SEMA6D: variants seen among roughly 807,000 people sequenced by gnomAD.
SEMA6D encodes the protein semaphorin-6D.
A neutral mutation model predicts 106.6 loss-of-function variants in SEMA6D; 35 were observed. The observed-to-expected ratio is 0.33, with a 90% CI of 0.25 to 0.44. SEMA6D has a LOEUF of 0.44. Among genes scored for constraint, SEMA6D ranks in the 20% least tolerant of loss-of-function variants. SEMA6D has a pLI of 1.00. For synonymous variants in SEMA6D, 499 were observed against 487.7 expected (o/e 1.02, Z -0.31); for missense variants, 1,185 against 1,345.9 (o/e 0.88, Z 1.87).
intron 3 of SEMA6D, among the ~76,000 whole-genome samples, chr15:47,554,050 G>A (rs529093501): frequency 6.6e-6 from 1 of 152,280 alleles, no homozygotes; most frequent in Admixed American, 6.5e-5. Context: ...TGCACCAGGG[G>A]ATCTAGGCAT....
At chr15:47,431,023 C>T (rs921443479) in intron 2 of SEMA6D, among the ~76,000 whole-genome samples, 29 of 152,280 alleles carry the variant, frequency 1.9e-4, no homozygotes, top group Admixed American at 1.9e-3. Flanking sequence ...ATCAATAAAA[C>T]TCACAAACTC....
At chr15:47,227,438 T>TTTCTTTCTTTTCTTTCTTTC (rs374904188) in intron 1 of SEMA6D, among the ~76,000 whole-genome samples, 2 of 77,666 alleles carry the variant, frequency 2.6e-5, no homozygotes, top group Non-Finnish European at 5.1e-5. Flanking sequence ...TCTTTCTTTC[T>TTTCTTTCTTTTCTTTCTTTC]TTTCTTTCTT....
chr15:47,369,673 T>A (rs1388655082), intron 1 of SEMA6D, among the ~76,000 whole-genome samples: 1 of 152,252 alleles, frequency 6.6e-6, no homozygotes, highest in Non-Finnish European at 1.5e-5. Context: ...ACATTAGAAT[T>A]GTGTTGGATT....
rs184391395 is a variant in SEMA6D at position 47,673,471 on chromosome 15, C to T, written c.-55+72575C>T. 2.2e-3 allele frequency among the ~76,000 whole-genome samples: 332 copies of T among 152,286 alleles called. 4 individuals carry two copies. The highest frequency in any genetic ancestry group is 7.1e-3 in the African/African-American group (295 of 41,552). ...AATGGCTGTCTCCCAGAATCCACGTCTGGGAATGCTGCCTACATGCTGCCT... is the reference window on the plus strand; with the variant it reads ...AATGGCTGTCTCCCAGAATCCACGTTTGGGAATGCTGCCTACATGCTGCCT... On this transcript the variant is annotated intron_variant, in intron 4 of 19. Coordinates refer to the SEMA6D transcript ENST00000558014.
At chr15:47,557,828 C>T (rs534987115) in intron 3 of SEMA6D, among the ~76,000 whole-genome samples, 5 of 152,114 alleles carry the variant, frequency 3.3e-5, no homozygotes, top group South Asian at 2.1e-4. Context: ...GCTGTTAGAA[C>T]GGGCCTGTTA....
At chr15:47,688,848 A>G (rs989471148) in intron 4 of SEMA6D, among the ~76,000 whole-genome samples, 1 of 152,208 alleles carries the variant, frequency 6.6e-6, no homozygotes, top group African/African-American at 2.4e-5. Context: ...TATCTCAGTT[A>G]TGTAAATTTT....
At chr15:47,225,985 T>C (rs1266726131) in intron 1 of SEMA6D, among the ~76,000 whole-genome samples, 1 of 152,052 alleles carries the variant, frequency 6.6e-6, no homozygotes, top group Non-Finnish European at 1.5e-5. Flanking sequence ...GATATTGAAG[T>C]CCTAATCCCC....
intron 3 of SEMA6D, among the ~76,000 whole-genome samples, chr15:47,577,881 T>G (rs756561800): frequency 6.6e-6 from 1 of 152,238 alleles, no homozygotes; most frequent in Non-Finnish European, 1.5e-5. Context: ...AAAAAATGTC[T>G]TACTGATTTT....
At chr15:47,460,063 G>A (rs972925428) in intron 2 of SEMA6D, among the ~76,000 whole-genome samples, 1 of 151,876 alleles carries the variant, frequency 6.6e-6, no homozygotes, top group African/African-American at 2.4e-5. Flanking sequence ...TATTTTCTAG[G>A]TTTTATTAAG....
chr15:47,476,804 C>T (rs1428689677), intron 3 of SEMA6D, among the ~76,000 whole-genome samples: 5 of 152,190 alleles, frequency 3.3e-5, no homozygotes, highest in African/African-American at 1.2e-4. Flanking sequence ...TGACTCTGGT[C>T]AGTTCATTTT....
chr15:47,722,257 C>T lies in SEMA6D; in HGVS notation c.-55+4565C>T, dbSNP rs1435047171. Among the ~76,000 whole-genome samples, 3 of 152,192 alleles carry T rather than the reference C, an allele frequency of 2.0e-5. No individual in the cohort carries two copies. The East Asian group carries it at 5.8e-4, about 29-fold the overall frequency. On this transcript the variant is annotated intron_variant, in intron 1 of 18. Transcript: ENST00000536845. ...AGCCATTCAGCCACCACTCATCTTA[C>T]ACCTTCAGAACTTGAGTCTACTTGA...
intron 4 of SEMA6D, among the ~76,000 whole-genome samples, chr15:47,619,082 C>T (rs2077055333): frequency 6.6e-6 from 1 of 152,190 alleles, no homozygotes; most frequent in Admixed American, 6.5e-5. Flanking sequence ...AGGATTCAAG[C>T]ACAGGCAGTT....
At chr15:47,267,981 C>T (rs1421339325) in intron 1 of SEMA6D, among the ~76,000 whole-genome samples, 1 of 151,756 alleles carries the variant, frequency 6.6e-6, no homozygotes, top group Non-Finnish European at 1.5e-5. Context: ...CTGTCTAGGC[C>T]CTTGCTACCC....
At chr15:47,396,173 A>T (rs965794453) in intron 1 of SEMA6D, among the ~76,000 whole-genome samples, 3 of 152,136 alleles carry the variant, frequency 2.0e-5, no homozygotes, top group Non-Finnish European at 1.5e-5. Context: ...TCCAGTCTCC[A>T]GGACTATAGG....
intron 1 of SEMA6D, among the ~76,000 whole-genome samples, chr15:47,373,185 T>G (rs2039336226): frequency 1.3e-5 from 2 of 152,120 alleles, no homozygotes; most frequent in East Asian, 3.9e-4. Flanking sequence ...GCCCATAATA[T>G]CCAGGGTGGT....
chr15:47,207,993 G>GCGCGCGCACACACACA (rs1424944556), intron 1 of SEMA6D, among the ~76,000 whole-genome samples: 2 of 89,456 alleles, frequency 2.2e-5, no homozygotes, highest in African/African-American at 8.1e-5. Context: ...TGGCGCGCGC[G>GCGCGCGCACACACACA]CACACACACA....
chr15:47,541,306 T>C (rs533214719), intron 3 of SEMA6D, among the ~76,000 whole-genome samples: 1 of 152,276 alleles, frequency 6.6e-6, no homozygotes, highest in South Asian at 2.1e-4. Flanking sequence ...ATTTGACTCT[T>C]AAAGTATCTA....
chr15:47,262,033 CA>C (rs1359668053), intron 1 of SEMA6D, among the ~76,000 whole-genome samples: 1 of 151,908 alleles, frequency 6.6e-6, no homozygotes, highest in Non-Finnish European at 1.5e-5. Flanking sequence ...TTCCTATACA[CA>C]AAAAACAGTC....
intron 3 of SEMA6D, among the ~76,000 whole-genome samples, chr15:47,575,274 G>A (rs2076136088): frequency 6.6e-6 from 1 of 152,166 alleles, no homozygotes; most frequent in African/African-American, 2.4e-5. Context: ...CTGAAACAGA[G>A]GAAAATATTC....
Sources: allele counts gnomAD v4.1 joint callset (sites outside exome capture counted in the v4.1 genomes callset), GRCh38; gene constraint gnomAD v4.1.1; transcripts MANE v1.5; gene names NCBI Gene and HGNC (gene_info 2026-07-23, HGNC 2026-07-21).